The following LYST variants were observed in gnomAD, a reference collection of about 807,000 sequenced individuals.
The protein encoded by LYST is lysosomal-trafficking regulator.
LYST carries 192 observed loss-of-function variants against 413.6 expected under a neutral mutation model. That is an observed-to-expected ratio of 0.46 (90% CI 0.41 to 0.52). The LOEUF is 0.52. Among genes scored for constraint, LYST ranks in the 20% least tolerant of loss-of-function variants. The probability of loss-of-function intolerance (pLI) is 0.00; values close to 1 mark genes in which losing one functional copy is unlikely to be tolerated. For synonymous variants in LYST, 1,525 were observed against 1,567.3 expected (o/e 0.97, Z 0.64); for missense variants, 3,815 against 4,499.9 (o/e 0.85, Z 4.35).
Position 235,851,147 on chromosome 1 carries a change from T to C in LYST, c.-98+15696A>G, listed in dbSNP as rs141604693. ...AAATGCCCATCAATCAACAAGTGAA[T>C]AAAGAAACTGTGGTATGTAAGTATG... On this transcript the variant is annotated intron_variant, in intron 1 of 52. Coordinates refer to ENST00000389793, the MANE Select transcript of LYST (RefSeq NM_000081.4). Among the ~76,000 whole-genome samples, 552 of 151,918 alleles carry C rather than the reference T, an allele frequency of 3.6e-3. 2 individuals carry two copies. Among genetic ancestry groups the C allele is most frequent in the African/African-American group, 0.013 (522 of 41,430 alleles).
At chr1:235,728,602 CAT>C (rs777995437) in intron 37 of LYST, among the ~76,000 whole-genome samples, 3 of 152,150 alleles carry the variant, frequency 2.0e-5, no homozygotes, top group African/African-American at 7.2e-5. Context: ...AGGCCCTAAA[CAT>C]AGCCTCCAAC....
Position 235,729,654 on chromosome 1 carries a change from C to G in LYST, c.9048G>C (p.Val3016=), listed in dbSNP as rs747584162. 6.2e-7 allele frequency: 1 copy of G among 1,602,662 alleles called. No homozygotes were observed. The highest frequency in any genetic ancestry group is 8.5e-7 in the Non-Finnish European group (1 of 1,169,948). The stretch of plus-strand genomic sequence containing the variant: ...GTGCAACACTGATGCATCTTCGATT[C>G]ACTCTGTCAAAACATATTTAAAATT... The part of the protein sequence containing the change: ...KDKAASESIR[V]NRRCISVAPS... Residue 3016 remains valine, a synonymous_variant, in exon 37 of 53, where the codon GTG becomes GTC. Coordinates refer to ENST00000389793, the MANE Select transcript of LYST (RefSeq NM_000081.4).
chr1:235,668,904 G>A (rs1376531382), intron 50 of LYST, among the ~76,000 whole-genome samples: 2 of 152,120 alleles, frequency 1.3e-5, no homozygotes, highest in Admixed American at 1.3e-4. Context: ...AAATAAAAAT[G>A]TTTTCATGAC....
chr1:235,751,469 A>G (rs1666492093), intron 27 of LYST, 107 bp from the exon 28 acceptor site: 1 of 1,025,200 alleles, frequency 9.8e-7, no homozygotes, highest in Non-Finnish European at 1.5e-6. Context: ...AAATTTTTAA[A>G]TTTTGATCAG....
chr1:235,731,235 A>C, intron 34 of LYST, 58 bp from the exon 35 acceptor site: 1 of 1,491,826 alleles, frequency 6.7e-7, no homozygotes, highest in East Asian at 2.3e-5. Context: ...TGTAGCTATA[A>C]AAAAAATCAT....
intron 9 of LYST, 39 bp downstream of exon 9, chr1:235,800,832 G>A (rs749583142): frequency 7.2e-7 from 1 of 1,380,800 alleles, no homozygotes; most frequent in South Asian, 1.2e-5. Flanking sequence ...TGATGAGTCT[G>A]ATAAATATTG....
chr1:235,668,466 C>T (rs1658679649), intron 50 of LYST, among the ~76,000 whole-genome samples: 1 of 152,060 alleles, frequency 6.6e-6, no homozygotes, highest in Non-Finnish European at 1.5e-5. Flanking sequence ...GTTGACAAGG[C>T]CTTTTTGTTC....
Position 235,744,050 on chromosome 1 carries a change from G to T in LYST, c.8080C>A (p.Gln2694Lys). The T allele has an allele frequency of 6.3e-7, 1 of 1,581,274 alleles. No homozygotes were observed. Among genetic ancestry groups the T allele is most frequent in the Non-Finnish European group, 8.7e-7 (1 of 1,150,702 alleles). The change falls in exon 30 of 53, where the codon CAG becomes AAG. Residue 2694 changes from glutamine (Q) to lysine (K), a missense_variant. Physicochemically the swap from Gln to Lys is moderately conservative, Grantham distance 53. This residue lies in a region of LYST where 771 missense variants were observed against 837.1 expected (regional missense o/e 0.92). Transcript: ENST00000389793. Reference sequence around the variant, plus strand: ...TGAAATGGATTGAAAACAGAAGACTGTTCATGATGAATATTTTCCTCAGAA... The same window carrying T: ...TGAAATGGATTGAAAACAGAAGACTTTTCATGATGAATATTTTCCTCAGAA... ...EISEENIHHE[Q>K]SSVFNPFQKE...
intron 3 of LYST, among the ~76,000 whole-genome samples, chr1:235,815,378 G>A (rs929655180): frequency 3.3e-5 from 5 of 152,118 alleles, no homozygotes; most frequent in Admixed American, 1.3e-4. Context: ...AGAGATTACA[G>A]AGTGACAAAA....
At chr1:235,697,720 C>T (rs1481835073) in intron 45 of LYST, among the ~76,000 whole-genome samples, 1 of 152,156 alleles carries the variant, frequency 6.6e-6, no homozygotes, top group Non-Finnish European at 1.5e-5. Context: ...AGAGGGAACA[C>T]CTCTGATTCA....
At chr1:235,726,915 C>T (rs1298259077) in intron 38 of LYST, among the ~76,000 whole-genome samples, 1 of 152,126 alleles carries the variant, frequency 6.6e-6, no homozygotes, top group African/African-American at 2.4e-5. Flanking sequence ...CATACATCAA[C>T]TATTAAATTC....
rs1260885544 is a variant in LYST at position 235,804,677 on chromosome 1, TAA to T, written c.3394-14_3394-13del. On this transcript the variant is annotated splice_polypyrimidine_tract_variant and intron_variant, in intron 6 of 52. Coordinates refer to ENST00000389793, the MANE Select transcript of LYST (RefSeq NM_000081.4). The stretch of plus-strand genomic sequence containing the variant: ...TCCACAGACAAGTTCTAAGGTAAAA[TAA>T]AAGAGACTAAGAATATTAATAACCA... 16 of 1,470,778 alleles carry T rather than the reference TAA, an allele frequency of 1.1e-5. No homozygotes were observed. In the Admixed American group the frequency reaches 2.2e-4, roughly 20 times the overall value. The allele number at this position is 1,470,778 out of a possible 1,614,324, so 91.1% of individuals were successfully genotyped here. A position where few individuals can be genotyped will look rare whatever the true frequency, so the allele number is the denominator to read the frequency against.
At position 235,746,456 on chromosome 1, in the gene LYST, G is replaced by A. The variant is rs757473150; in HGVS notation, c.7852C>T (p.Leu2618Phe). The change falls in exon 29 of 53, where the codon CTT becomes TTT. Residue 2618 changes from leucine (L) to phenylalanine (F), a missense_variant. By Grantham distance (22) the Leu-to-Phe change is conservative. Around this residue, in one of 4 missense-constraint regions of LYST, gnomAD observed 771 missense variants for 837.1 expected, o/e 0.92. Transcript: ENST00000389793. ...MKMRSVANDE[L>F]HVMMQRRMSQ... ...ATTCTCCGTTGCATCATCACATGAA[G>A]CTCATCATTTGCCACTGAACGCATT... 6.2e-7 allele frequency: 1 copy of A among 1,613,836 alleles called. No homozygotes were observed. Among genetic ancestry groups the A allele is most frequent in the South Asian group, 1.1e-5 (1 of 91,074 alleles).
chr1:235,702,802 A>G lies in LYST; in HGVS notation c.10319T>C (p.Leu3440Pro). The change falls in exon 45 of 53, where the codon CTA becomes CCA. Residue 3440 changes from leucine to proline, a missense_variant. Leu to Pro is a moderately conservative substitution (Grantham distance 98, BLOSUM62 -3). Around this residue, in one of 4 missense-constraint regions of LYST, gnomAD observed 866 missense variants for 1,156.0 expected, o/e 0.75. Transcript: ENST00000389793. The part of the protein sequence containing the change: ...EGELPAAVGL[L>P]VQFAFRETRE... Reference sequence around the variant, plus strand: ...GGTCTCCCTGAAAGCAAACTGCACTAGCAACCCCACAGCAGCTGGAAGCTC... The same window carrying G: ...GGTCTCCCTGAAAGCAAACTGCACTGGCAACCCCACAGCAGCTGGAAGCTC... The G allele has an allele frequency of 6.2e-7, 1 of 1,614,174 alleles. No homozygotes were observed. Among genetic ancestry groups the G allele is most frequent in the South Asian group, 1.1e-5 (1 of 91,082 alleles).
At chr1:235,798,663 T>C (rs770444642) in intron 10 of LYST, among the ~76,000 whole-genome samples, 9 of 137,792 alleles carry the variant, frequency 6.5e-5, no homozygotes, top group Admixed American at 3.7e-4. Context: ...AAAAAATGAT[T>C]AGAAAGAGAA....
intron 28 of LYST, among the ~76,000 whole-genome samples, chr1:235,747,712 T>C (rs1217038601): frequency 6.6e-6 from 1 of 152,186 alleles, no homozygotes; most frequent in East Asian, 1.9e-4. Context: ...TAAGGAAATG[T>C]TAAGTAAGTC....
rs192378483 is a variant in LYST at position 235,831,757 on chromosome 1, C to T, written c.-7-1333G>A. ...AAAGTGCATCTCTCATTCTAAAATA[C>T]GGCAATAACCTCTATTATATATTAA... is the stretch of plus-strand genomic sequence containing the variant. On this transcript the variant is annotated intron_variant, in intron 2 of 52. Transcript: ENST00000389793. Among the ~76,000 whole-genome samples, 41 of 152,198 alleles carry T rather than the reference C, an allele frequency of 2.7e-4. No individual in the cohort carries two copies. In the East Asian group the frequency reaches 4.4e-3, roughly 16 times the overall value.
chr1:235,773,641 G>A (rs1668933058), intron 19 of LYST, among the ~76,000 whole-genome samples: 1 of 152,078 alleles, frequency 6.6e-6, no homozygotes, highest in Non-Finnish European at 1.5e-5. Flanking sequence ...GAAAGAGGGA[G>A]AACATTTGTT....
chr1:235,867,698 T>C (rs1680707986), upstream of LYST, among the ~76,000 whole-genome samples: 1 of 152,184 alleles, frequency 6.6e-6, no homozygotes, highest in Admixed American at 6.5e-5. Context: ...GGCAGACTGC[T>C]GCGGTAGGCA....
Sources: allele counts gnomAD v4.1 joint callset (sites outside exome capture counted in the v4.1 genomes callset), GRCh38; gene constraint gnomAD v4.1.1; regional missense constraint gnomAD v4.1.1; transcripts MANE v1.5; gene names NCBI Gene and HGNC (gene_info 2026-07-23, HGNC 2026-07-21).